ADAMTS18: variants seen among roughly 807,000 people sequenced by gnomAD.
ADAMTS18 encodes A disintegrin and metalloproteinase with thrombospondin motifs 18.
In ADAMTS18, 157 loss-of-function variants were observed where a neutral mutation model predicts 165.9. The ratio of observed to expected loss-of-function variants is 0.95; its 90% CI spans 0.83 to 1.08. The LOEUF (loss-of-function observed/expected upper bound fraction) is 1.08, where lower values mean the gene tolerates loss of function less well. Among genes scored for constraint, ADAMTS18 ranks in the 50% least tolerant of loss-of-function variants. The pLI, the probability that ADAMTS18 is intolerant of heterozygous loss-of-function variation, is 0.00. For synonymous variants in ADAMTS18, 782 were observed against 578.2 expected (o/e 1.35, Z -5.06); for missense variants, 2,040 against 1,534.0 (o/e 1.33, Z -5.51).
chr16:77,433,686 A>G (rs1392813843), intron 2 of ADAMTS18, among the ~76,000 whole-genome samples: 2 of 152,200 alleles, frequency 1.3e-5, no homozygotes, highest in African/African-American at 4.8e-5. Context: ...ACAGAATTCT[A>G]AAGAATCCAG....
chr16:77,284,657 A>G lies in ADAMTS18; in HGVS notation c.3551-586T>C, dbSNP rs561241578. ...ATGATTTGTTTTTAAAAAATGTCAC[A>G]TCTAATCCAAGATCAATGTCTGATC... is the stretch of plus-strand genomic sequence containing the variant. On this transcript the variant is annotated intron_variant, in intron 22 of 22. Transcript: ENST00000282849. Among the ~76,000 whole-genome samples, 4 of 152,276 alleles carry G rather than the reference A, an allele frequency of 2.6e-5. 1 individual carries two copies. In the South Asian group the frequency reaches 8.3e-4, roughly 32 times the overall value.
chr16:77,386,179 T>C (rs2057104809), intron 3 of ADAMTS18, among the ~76,000 whole-genome samples: 2 of 152,178 alleles, frequency 1.3e-5, no homozygotes, highest in Non-Finnish European at 2.9e-5. Flanking sequence ...CAGCCTCGTG[T>C]ACACTCAGCA....
At chr16:77,311,564 G>T (rs2055780915) in intron 16 of ADAMTS18, among the ~76,000 whole-genome samples, 1 of 152,040 alleles carries the variant, frequency 6.6e-6, no homozygotes, top group African/African-American at 2.4e-5. Flanking sequence ...ATTTTAGAGA[G>T]ATACAAGCAT....
At position 77,431,585 on chromosome 16, in the gene ADAMTS18, C is replaced by T. The variant is rs2057741623; in HGVS notation, c.205G>A (p.Val69Ile). 1 of 1,614,140 alleles carries T rather than the reference C, an allele frequency of 6.2e-7. No individual in the cohort carries two copies. The highest frequency in any genetic ancestry group is 8.5e-7 in the Non-Finnish European group (1 of 1,180,016). The change falls in exon 3 of 23, where the codon GTA (valine) becomes ATA (isoleucine). Residue 69 changes from valine (V) to isoleucine (I), a missense_variant. Coordinates refer to ENST00000282849, the MANE Select transcript of ADAMTS18 (RefSeq NM_199355.4). ...GAAATATATGACCCGGCTGAGTCTA[C>T]TTCTACTGGCGTGACAAAGACGTAA... ...DDYVFVTPVE[V>I]DSAGSYISHD...
At chr16:77,377,669 G>A (rs1165281659) in intron 3 of ADAMTS18, among the ~76,000 whole-genome samples, 4 of 152,304 alleles carry the variant, frequency 2.6e-5, no homozygotes, top group South Asian at 2.1e-4. Context: ...CATATTTGTG[G>A]TCATCAATAA....
At chr16:77,338,481 C>T (rs932732535) in intron 11 of ADAMTS18, among the ~76,000 whole-genome samples, 1 of 150,250 alleles carries the variant, frequency 6.7e-6, no homozygotes, top group African/African-American at 2.5e-5. Flanking sequence ...AAGTGATATG[C>T]CCGCCGAGGC....
chr16:77,353,014 A>G (rs1406898033), intron 10 of ADAMTS18, among the ~76,000 whole-genome samples: 1 of 152,084 alleles, frequency 6.6e-6, no homozygotes, highest in Non-Finnish European at 1.5e-5. Context: ...TGGGAGGCGG[A>G]GCTTGCAGTG....
At chr16:77,344,342 T>C (rs1269683209) in intron 10 of ADAMTS18, among the ~76,000 whole-genome samples, 1 of 151,814 alleles carries the variant, frequency 6.6e-6, no homozygotes, top group Middle Eastern at 3.2e-3. Flanking sequence ...CTAGAATATA[T>C]ACATATTCCC....
At chr16:77,314,778 A>ATATATATATATATATATATATATG (rs1366859577) in intron 16 of ADAMTS18, among the ~76,000 whole-genome samples, 5 of 85,508 alleles carry the variant, frequency 5.8e-5, no homozygotes, top group Admixed American at 1.2e-4. Flanking sequence ...ATATATATAT[A>ATATATATATATATATATATATATG]TATATATAAA....
At chr16:77,397,341 A>G (rs1173896649) in intron 3 of ADAMTS18, among the ~76,000 whole-genome samples, 3 of 152,216 alleles carry the variant, frequency 2.0e-5, no homozygotes, top group Non-Finnish European at 2.9e-5. Flanking sequence ...AATATAAAGG[A>G]TGTTAGACTT....
At chr16:77,292,428 A>G (rs2055381569) in intron 20 of ADAMTS18, among the ~76,000 whole-genome samples, 1 of 152,136 alleles carries the variant, frequency 6.6e-6, no homozygotes, top group Non-Finnish European at 1.5e-5. Context: ...ACTCCTGTGT[A>G]GAGGCTGCAC....
intron 16 of ADAMTS18, among the ~76,000 whole-genome samples, chr16:77,319,340 C>T (rs1323377834): frequency 6.6e-6 from 1 of 152,158 alleles, no homozygotes; most frequent in African/African-American, 2.4e-5. Flanking sequence ...TGAAAATCAA[C>T]CCATTCTCTT....
At chr16:77,415,725 CAAAA>C (rs71137817) in intron 3 of ADAMTS18, among the ~76,000 whole-genome samples, 8 of 101,992 alleles carry the variant, frequency 7.8e-5, no homozygotes, top group Non-Finnish European at 1.4e-4. Flanking sequence ...GCTGGGTAGG[CAAAA>C]AAAAAAAAAA....
At chr16:77,331,956 T>C (rs2056196641) in intron 12 of ADAMTS18, among the ~76,000 whole-genome samples, 2 of 152,234 alleles carry the variant, frequency 1.3e-5, no homozygotes, top group Non-Finnish European at 2.9e-5. Flanking sequence ...TTTTTTAAAA[T>C]GTCCTTTTGC....
rs768889644 is a variant in ADAMTS18 at position 77,364,369 on chromosome 16, G to C, written c.791C>G (p.Pro264Arg). Residue 264 changes from proline (P) to arginine (R), a missense_variant, in exon 5 of 23, where the codon CCT (proline) becomes CGT (arginine). Physicochemically the swap from Pro to Arg is moderately radical, Grantham distance 103 (BLOSUM62 -2). Coordinates refer to ENST00000282849, the MANE Select transcript of ADAMTS18 (RefSeq NM_199355.4). Reference protein sequence around the residue: ...CGRRKKYAPKPPTEDTYLRFD... With the variant: ...CGRRKKYAPKRPTEDTYLRFD... ...CCTTAGATAGGTGTCCTCTGTGGGA[G>C]GCTTGGGAGCATCTACGATGAACAG... is the stretch of plus-strand genomic sequence containing the variant. 1 of 1,613,692 alleles carries C rather than the reference G, an allele frequency of 6.2e-7. No homozygotes were observed.
chr16:77,320,566 G>A (rs1267741992), intron 15 of ADAMTS18, among the ~76,000 whole-genome samples: 3 of 151,996 alleles, frequency 2.0e-5, no homozygotes, highest in Admixed American at 2.0e-4. Flanking sequence ...TTGAACCTGG[G>A]ATGTGGAGGT....
chr16:77,404,330 C>A (rs896487498), intron 3 of ADAMTS18, among the ~76,000 whole-genome samples: 1 of 152,128 alleles, frequency 6.6e-6, no homozygotes, highest in African/African-American at 2.4e-5. Flanking sequence ...TTGGAGGATA[C>A]CTTTTCAGGG....
chr16:77,398,510 C>T (rs2144804590), intron 3 of ADAMTS18, among the ~76,000 whole-genome samples: 1 of 152,224 alleles, frequency 6.6e-6, no homozygotes, highest in South Asian at 2.1e-4. Flanking sequence ...CTGAGAGCAA[C>T]CCACCACCTT....
chr16:77,389,458 G>A (rs552339209), intron 3 of ADAMTS18, among the ~76,000 whole-genome samples: 1 of 152,170 alleles, frequency 6.6e-6, no homozygotes, highest in Non-Finnish European at 1.5e-5. Context: ...GACAGTGTGT[G>A]TCTGTCAGGT....
Sources: allele counts gnomAD v4.1 joint callset (sites outside exome capture counted in the v4.1 genomes callset), GRCh38; gene constraint gnomAD v4.1.1; transcripts MANE v1.5; gene names NCBI Gene and HGNC (gene_info 2026-07-23, HGNC 2026-07-21).